Variants in RASAL2 observed in about 807,000 individuals in gnomAD.
RASAL2 encodes ras GTPase-activating protein nGAP.
Under a neutral mutation model 128.9 loss-of-function variants are expected in RASAL2, and 58 were observed. That is an observed-to-expected ratio of 0.45 (90% CI 0.36 to 0.56). The LOEUF is 0.56. RASAL2 is among the 20% of genes least tolerant of loss of function. The pLI, the probability that RASAL2 is intolerant of heterozygous loss-of-function variation, is 0.00. For missense variants in RASAL2, 1,360 were observed against 1,601.6 expected (o/e 0.85, Z 2.57); for synonymous variants, 561 against 580.8 (o/e 0.97, Z 0.49).
At chr1:178,121,947 G>T (rs957947173) in intron 1 of RASAL2, among the ~76,000 whole-genome samples, 12 of 151,706 alleles carry the variant, frequency 7.9e-5, no homozygotes, top group African/African-American at 2.9e-4. Context: ...CTCATTTTTG[G>T]CTTTAGTCTT....
Position 178,478,831 on chromosome 1 carries a change from ATAAACT to A in RASAL2, c.*5594_*5599del, listed in dbSNP as rs1648854177. The A allele has an allele frequency of 1.3e-5, 2 of 152,244 alleles. No individual in the cohort carries two copies. The highest frequency in any genetic ancestry group is 4.8e-5 in the African/African-American group (2 of 41,460). 9.4% of individuals were successfully genotyped at this position (152,244 alleles called of 1,614,324 possible). ...ATTGATATTCCTACAAAGAATACAA[ATAAACT>A]TTAACTTTAAACATTTCAGACTAAA... On this transcript the variant is annotated 3_prime_UTR_variant, in exon 18 of 18. Transcript: ENST00000367649.
chr1:178,281,919 G>C (rs1303354348), intron 1 of RASAL2, among the ~76,000 whole-genome samples: 1 of 152,140 alleles, frequency 6.6e-6, no homozygotes, highest in Non-Finnish European at 1.5e-5. Flanking sequence ...TTAAGAGTCA[G>C]TTTCATTAGA....
chr1:178,180,897 A>C (rs1662085645), intron 1 of RASAL2, among the ~76,000 whole-genome samples: 1 of 152,104 alleles, frequency 6.6e-6, no homozygotes, highest in Non-Finnish European at 1.5e-5. Flanking sequence ...AAACCACTGA[A>C]ATTTAATTCT....
Position 178,197,390 on chromosome 1 carries a change from G to A in RASAL2, c.203-86174G>A, listed in dbSNP as rs577536110. On this transcript the variant is annotated intron_variant, in intron 1 of 17. Transcript: ENST00000367649. ...AATTGCTTGAACCTGGGAGGCAGAGGTTGCAGTGAGCCGAGATTGTGCCAT... is the reference window on the plus strand; with the variant it reads ...AATTGCTTGAACCTGGGAGGCAGAGATTGCAGTGAGCCGAGATTGTGCCAT... Among the ~76,000 whole-genome samples, 10 of 152,132 alleles carry A rather than the reference G, an allele frequency of 6.6e-5. No homozygotes were observed. The South Asian group carries it at 1.7e-3, about 25-fold the overall frequency.
intron 1 of RASAL2, among the ~76,000 whole-genome samples, chr1:178,249,732 C>T (rs914340687): frequency 2.6e-5 from 4 of 152,076 alleles, no homozygotes; most frequent in Non-Finnish European, 5.9e-5. Flanking sequence ...CTGTATGGGT[C>T]GTTTTTGTTG....
chr1:178,146,936 G>A (rs1660748812), intron 1 of RASAL2, among the ~76,000 whole-genome samples: 2 of 152,192 alleles, frequency 1.3e-5, no homozygotes, highest in African/African-American at 4.8e-5. Context: ...TGGCGTGAAT[G>A]CCAAAATTAC....
At chr1:178,121,788 T>C (rs1231284593) in intron 1 of RASAL2, among the ~76,000 whole-genome samples, 1 of 152,100 alleles carries the variant, frequency 6.6e-6, no homozygotes, top group Non-Finnish European at 1.5e-5. Flanking sequence ...GCCCAGCCCA[T>C]TTGTTGTTGT....
chr1:178,245,070 A>C (rs1241312912), intron 1 of RASAL2, among the ~76,000 whole-genome samples: 1 of 152,346 alleles, frequency 6.6e-6, no homozygotes, highest in East Asian at 1.9e-4. Context: ...AGAATGATTT[A>C]TAATCCTTTG....
intron 1 of RASAL2, among the ~76,000 whole-genome samples, chr1:178,185,606 ACTTTTTTC>A: frequency 6.6e-6 from 1 of 151,280 alleles, no homozygotes; most frequent in African/African-American, 2.4e-5. Context: ...TGGGTGTTGG[ACTTTTTTC>A]CCAGCTCCCT....
intron 6 of RASAL2, among the ~76,000 whole-genome samples, chr1:178,440,512 G>C (rs1318575712): frequency 6.6e-6 from 1 of 152,116 alleles, no homozygotes; most frequent in Non-Finnish European, 1.5e-5. Flanking sequence ...TGTGAGGCTA[G>C]TAGCTGCTGT....
intron 4 of RASAL2, among the ~76,000 whole-genome samples, chr1:178,416,999 A>G (rs1351107845): frequency 7.7e-6 from 1 of 129,142 alleles, no homozygotes; most frequent in African/African-American, 3.0e-5. Flanking sequence ...TTTGGCATTT[A>G]TGCTGCTTGG....
chr1:178,250,035 G>T (rs968661396), intron 1 of RASAL2, among the ~76,000 whole-genome samples: 2 of 152,298 alleles, frequency 1.3e-5, no homozygotes, highest in African/African-American at 4.8e-5. Flanking sequence ...AGGCTTGGCG[G>T]TCAGGGACCC....
chr1:178,357,233 C>G (rs1280245263), intron 3 of RASAL2, among the ~76,000 whole-genome samples: 1 of 151,868 alleles, frequency 6.6e-6, no homozygotes, highest in Admixed American at 6.6e-5. Flanking sequence ...TAATTTCTCG[C>G]TTTTGTGTCA....
chr1:178,228,647 C>G (rs1239523422), intron 1 of RASAL2, among the ~76,000 whole-genome samples: 3 of 152,168 alleles, frequency 2.0e-5, no homozygotes, highest in Admixed American at 6.5e-5. Context: ...ATACCGTAAT[C>G]CTTGTTACCT....
chr1:178,156,994 T>A (rs1661107001), intron 1 of RASAL2, among the ~76,000 whole-genome samples: 1 of 152,220 alleles, frequency 6.6e-6, no homozygotes, highest in African/African-American at 2.4e-5. Flanking sequence ...CCTACTTAGA[T>A]GTATAACTTC....
intron 3 of RASAL2, among the ~76,000 whole-genome samples, chr1:178,312,446 T>C (rs961930920): frequency 6.6e-6 from 1 of 152,192 alleles, no homozygotes; most frequent in Non-Finnish European, 1.5e-5. Flanking sequence ...AGCTGTAAAC[T>C]ATTAGTCAAA....
intron 17 of RASAL2, among the ~76,000 whole-genome samples, chr1:178,471,005 A>T (rs765098688): frequency 6.6e-6 from 1 of 152,086 alleles, no homozygotes; most frequent in Non-Finnish European, 1.5e-5. Context: ...GAGTTTCTTT[A>T]TGTGGAAACT....
intron 1 of RASAL2, chr1:178,123,709 T>G (rs1349588115): frequency 6.6e-6 from 1 of 152,218 alleles, no homozygotes; most frequent in Non-Finnish European, 1.5e-5. Flanking sequence ...TTGTTTTTTC[T>G]GTCACCCAGG....
At chr1:178,143,551 A>G (rs1012435818) in intron 1 of RASAL2, among the ~76,000 whole-genome samples, 1 of 152,196 alleles carries the variant, frequency 6.6e-6, no homozygotes, top group African/African-American at 2.4e-5. Flanking sequence ...AGCAAATTGC[A>G]GAATAATTGA....
Sources: gnomAD v4.1 joint callset for allele counts (sites outside exome capture counted in the v4.1 genomes callset) on GRCh38, gnomAD v4.1.1 for gene constraint, MANE v1.5 for transcripts, NCBI Gene and HGNC (gene_info 2026-07-23, HGNC 2026-07-21) for gene names.